The following TAF4B variants were observed in gnomAD, a reference collection of about 807,000 sequenced individuals.
TAF4B encodes the protein TATA-box binding protein associated factor 4b.
A neutral mutation model predicts 86.4 loss-of-function variants in TAF4B; 38 were observed. The observed-to-expected ratio is 0.44, with a 90% CI of 0.34 to 0.58. TAF4B has a LOEUF of 0.58. Ranked by LOEUF, TAF4B falls within the 20% of genes least tolerant of loss-of-function variation. The pLI, the probability that TAF4B is intolerant of heterozygous loss-of-function variation, is 0.02. For missense variants in TAF4B, 988 were observed against 1,027.6 expected, an observed-to-expected ratio of 0.96 and a Z score of 0.53; for synonymous variants, 388 against 391.2, an observed-to-expected ratio of 0.99 and a Z score of 0.10.
chr18:26,325,008 A>G (rs1476280164), intron 11 of TAF4B, among the ~76,000 whole-genome samples: 1 of 152,206 alleles, frequency 6.6e-6, no homozygotes, highest in Non-Finnish European at 1.5e-5. Flanking sequence ...CTCTTTTTAA[A>G]AAAGTGAAAT....
chr18:26,292,853 A>G (rs74726092), intron 8 of TAF4B, among the ~76,000 whole-genome samples: 3 of 152,292 alleles, frequency 2.0e-5, no homozygotes, highest in East Asian at 3.9e-4. Flanking sequence ...TTACATACAT[A>G]GAAACTTTTT....
chr18:26,309,243 G>GT (rs1568144308), intron 9 of TAF4B, among the ~76,000 whole-genome samples: 1 of 88,810 alleles, frequency 1.1e-5, no homozygotes, highest in African/African-American at 4.1e-5. Context: ...AAACCTGACA[G>GT]TATTTTTTTT....
At chr18:26,309,487 G>A (rs1408324628) in intron 9 of TAF4B, among the ~76,000 whole-genome samples, 1 of 151,978 alleles carries the variant, frequency 6.6e-6, no homozygotes, top group Non-Finnish European at 1.5e-5. Flanking sequence ...AATGGATGAT[G>A]TTGCAAAACC....
rs773885299 is a variant in TAF4B, at chr18:26,321,097, A to G, written c.2030A>G (p.Asn677Ser). ...AAAAAGCATGACATTACAGAACTTA[A>G]CTCTGATGCTGTGAACTTGATCTCC... The part of the protein sequence containing the change: ...IGKKHDITEL[N>S]SDAVNLISQA... The change falls in exon 11 of 15, where the codon AAC becomes AGC. Residue 677 changes from asparagine to serine, a missense_variant. By Grantham distance (46) the Asn-to-Ser change is conservative (BLOSUM62 1). Coordinates refer to ENST00000269142, the MANE Select transcript of TAF4B (RefSeq NM_005640.3). 6.2e-7 allele frequency: 1 copy of G among 1,613,816 alleles called. No homozygotes were observed.
In TAF4B at chr18:26,286,259, G is replaced by A. The variant is rs1217562470; in HGVS notation, c.1350G>A (p.Leu450=). The stretch of plus-strand genomic sequence containing the variant: ...CAAACACAGTGACCACGGTCTCACT[G>A]CAACCTGAAAAGCCAGTTGTCTCTG... The part of the protein sequence containing the change: ...SVANTVTTVS[L]QPEKPVVSGT... Residue 450 remains leucine, a synonymous_variant, in exon 7 of 15, where the codon CTG becomes CTA. Transcript: ENST00000269142. 1 of 1,614,242 alleles carries A rather than the reference G, an allele frequency of 6.2e-7. No homozygotes were observed. The highest frequency in any genetic ancestry group is 2.2e-5 in the East Asian group (1 of 44,894).
At chr18:26,294,455 T>G (rs1362562119) in intron 9 of TAF4B, among the ~76,000 whole-genome samples, 1 of 151,628 alleles carries the variant, frequency 6.6e-6, no homozygotes, top group African/African-American at 2.4e-5. Context: ...TTTTGGCCCA[T>G]TTTTGTTTCT....
At chr18:26,264,040 G>A (rs904804251) in intron 1 of TAF4B, among the ~76,000 whole-genome samples, 1 of 152,210 alleles carries the variant, frequency 6.6e-6, no homozygotes, top group Non-Finnish European at 1.5e-5. Context: ...TATTTGGGCC[G>A]AGGTTGAGTA....
At chr18:26,229,027 C>T (rs927857415) in intron 1 of TAF4B, among the ~76,000 whole-genome samples, 1 of 152,010 alleles carries the variant, frequency 6.6e-6, no homozygotes, top group African/African-American at 2.4e-5. Flanking sequence ...ATTCTTTCCA[C>T]AACGCTATGC....
chr18:26,307,945 A>T (rs577485831), intron 9 of TAF4B, among the ~76,000 whole-genome samples: 1 of 152,156 alleles, frequency 6.6e-6, no homozygotes, highest in Non-Finnish European at 1.5e-5. Flanking sequence ...CTCCATCTCC[A>T]CTAAAAATAC....
intron 12 of TAF4B, among the ~76,000 whole-genome samples, chr18:26,332,816 G>A (rs571600156): frequency 6.6e-6 from 1 of 152,260 alleles, no homozygotes; most frequent in East Asian, 1.9e-4. Flanking sequence ...ACAGGCGTGA[G>A]CCACCGTGCC....
At chr18:26,281,375 T>C (rs1040930916) in intron 5 of TAF4B, among the ~76,000 whole-genome samples, 29 of 152,220 alleles carry the variant, frequency 1.9e-4, no homozygotes, top group Non-Finnish European at 3.5e-4. Flanking sequence ...ATTATAATCT[T>C]TATTAAGTAT....
At chr18:26,338,652 A>T (rs569192716) in intron 13 of TAF4B, among the ~76,000 whole-genome samples, 2 of 151,248 alleles carry the variant, frequency 1.3e-5, no homozygotes, top group African/African-American at 4.8e-5. Context: ...CTAATTTTGT[A>T]TTTTTAGTGG....
At chr18:26,274,137 T>C (rs2056354148) in intron 3 of TAF4B, among the ~76,000 whole-genome samples, 1 of 152,210 alleles carries the variant, frequency 6.6e-6, no homozygotes, top group African/African-American at 2.4e-5. Flanking sequence ...CTTTTCAGTG[T>C]GAATATAAGA....
intron 13 of TAF4B, among the ~76,000 whole-genome samples, chr18:26,340,273 A>T (rs751456838): frequency 1.6e-4 from 24 of 152,228 alleles, no homozygotes; most frequent in Non-Finnish European, 3.1e-4. Context: ...GTATATTTTT[A>T]AAATGAAATT....
chr18:26,331,501 T>C (rs1385901276), intron 12 of TAF4B, among the ~76,000 whole-genome samples: 1 of 152,208 alleles, frequency 6.6e-6, no homozygotes, highest in Non-Finnish European at 1.5e-5. Flanking sequence ...CACTGGCTAA[T>C]AGTTATTTCA....
chr18:26,280,132 A>T (rs1476641751), intron 5 of TAF4B, among the ~76,000 whole-genome samples: 1 of 151,976 alleles, frequency 6.6e-6, no homozygotes, highest in African/African-American at 2.4e-5. Flanking sequence ...ATGAAACTGG[A>T]CCCCTACTTT....
intron 1 of TAF4B, among the ~76,000 whole-genome samples, chr18:26,242,516 G>A (rs2055855553): frequency 6.6e-6 from 1 of 152,142 alleles, no homozygotes; most frequent in Non-Finnish European, 1.5e-5. Context: ...ACAGCACACT[G>A]ATGGGTCTTG....
intron 14 of TAF4B, among the ~76,000 whole-genome samples, chr18:26,384,217 T>C (rs897020252): frequency 6.6e-6 from 1 of 152,198 alleles, no homozygotes; most frequent in Non-Finnish European, 1.5e-5. Context: ...ATGTCATGAA[T>C]CTTTGCCTCT....
At chr18:26,346,891 ATATATATATGTGTGTG>A (rs1276793155) in intron 13 of TAF4B, among the ~76,000 whole-genome samples, 288 of 14,610 alleles carry the variant, frequency 0.02, 55 homozygotes, top group Non-Finnish European at 0.027. Context: ...ATATATATAT[ATATATATATGTGTGTG>A]TATATATATA....
Sources: allele counts gnomAD v4.1 joint callset (sites outside exome capture counted in the v4.1 genomes callset), GRCh38; gene constraint gnomAD v4.1.1; transcripts MANE v1.5; gene names NCBI Gene and HGNC (gene_info 2026-07-23, HGNC 2026-07-21).